CDC42EP3: variants seen among roughly 807,000 people sequenced by gnomAD.
CDC42EP3 encodes CDC42 effector protein (Rho GTPase binding) 3.
CDC42EP3 carries 4 observed loss-of-function variants against 15.5 expected under a neutral mutation model. That is an observed-to-expected ratio of 0.26 (90% CI 0.13 to 0.59). The LOEUF (loss-of-function observed/expected upper bound fraction) is 0.59. Among genes scored for constraint, CDC42EP3 ranks in the 20% least tolerant of loss-of-function variants. The pLI is 0.89. For missense variants in CDC42EP3, 309 were observed against 311.2 expected (o/e 0.99, Z 0.05); for synonymous variants, 145 against 130.3 (o/e 1.11, Z -0.77).
At chr2:37,668,860 T>C (rs1450854670) in intron 1 of CDC42EP3, among the ~76,000 whole-genome samples, 2 of 152,188 alleles carry the variant, frequency 1.3e-5, no homozygotes, top group Non-Finnish European at 2.9e-5. Context: ...TCCAAAGTAA[T>C]GAACAATGCA....
At chr2:37,665,341 A>T (rs1666217740) in intron 1 of CDC42EP3, among the ~76,000 whole-genome samples, 2 of 150,176 alleles carry the variant, frequency 1.3e-5, no homozygotes, top group South Asian at 4.4e-4. Context: ...GATGGGATGG[A>T]GCCTGCCCAG....
chr2:37,659,973 A>T (rs1336032670), intron 1 of CDC42EP3, among the ~76,000 whole-genome samples: 1 of 152,222 alleles, frequency 6.6e-6, no homozygotes, highest in Non-Finnish European at 1.5e-5. Context: ...ACTATGAGCC[A>T]GCCCTGTAAG....
chr2:37,666,023 C>T (rs1179293290), intron 1 of CDC42EP3, among the ~76,000 whole-genome samples: 1 of 152,174 alleles, frequency 6.6e-6, no homozygotes, highest in Non-Finnish European at 1.5e-5. Flanking sequence ...CACAGACACC[C>T]CTTTTGATTG....
At chr2:37,668,757 T>G (rs967563417) in intron 1 of CDC42EP3, among the ~76,000 whole-genome samples, 1 of 152,240 alleles carries the variant, frequency 6.6e-6, no homozygotes, top group Non-Finnish European at 1.5e-5. Flanking sequence ...TTTCATTAGA[T>G]GATTGCTAGA....
chr2:37,648,162 T>C (rs1342022661), intron 1 of CDC42EP3, among the ~76,000 whole-genome samples: 4 of 152,184 alleles, frequency 2.6e-5, no homozygotes, highest in Non-Finnish European at 5.9e-5. Flanking sequence ...GATGCTCTTA[T>C]CTCTTGAAAA....
chr2:37,651,013 A>G (rs1665657300), intron 1 of CDC42EP3, among the ~76,000 whole-genome samples: 1 of 152,240 alleles, frequency 6.6e-6, no homozygotes, highest in African/African-American at 2.4e-5. Flanking sequence ...TTGTCCACCT[A>G]TGGAGGACTG....
chr2:37,672,647 C>T (rs943424667), upstream of CDC42EP3: 6 of 152,242 alleles, frequency 3.9e-5, no homozygotes, highest in Non-Finnish European at 1.5e-5. Flanking sequence ...AGTCGTCGGC[C>T]TGGGGAAGGA....
At chr2:37,649,076 T>TAA (rs112109458) in intron 1 of CDC42EP3, among the ~76,000 whole-genome samples, 5 of 135,902 alleles carry the variant, frequency 3.7e-5, no homozygotes, top group African/African-American at 8.2e-5. Flanking sequence ...TCCAATTATT[T>TAA]AAAAAAAAAA....
chr2:37,661,148 G>GTATA lies in CDC42EP3; in HGVS notation c.-236+10274_-236+10277dup, dbSNP rs35916829. ...GTGTGTGCGTGTGTGTATAGTGTGTGTATATATATATACACACACAGGCAA... is the reference window on the plus strand; with the variant it reads ...GTGTGTGCGTGTGTGTATAGTGTGTGTATATATATATATATACACACACAGGCAA... On this transcript the variant is annotated intron_variant, in intron 1 of 1. Coordinates refer to ENST00000295324, the MANE Select transcript of CDC42EP3 (RefSeq NM_006449.5). Among the ~76,000 whole-genome samples, 247 of 151,324 alleles carry GTATA rather than the reference G, an allele frequency of 1.6e-3. 3 individuals are homozygous for GTATA. The highest frequency in any genetic ancestry group is 0.012 in the Admixed American group (189 of 15,160).
rs1328719573 is a variant in CDC42EP3 at position 37,642,187 on chromosome 2, C to G, written c.*3636G>C. On this transcript the variant is annotated 3_prime_UTR_variant, in exon 2 of 2. Coordinates refer to ENST00000295324, the MANE Select transcript of CDC42EP3 (RefSeq NM_006449.5). ...ATAAAGCATGCAATATATTTACAGT[C>G]AGATGAAACAAGTGTGTCCATAAAT... 1 of 152,186 alleles carries G rather than the reference C, an allele frequency of 6.6e-6. No individual in the cohort carries two copies. The highest frequency in any genetic ancestry group is 1.5e-5 in the Non-Finnish European group (1 of 68,038). The allele number at this position is 152,186 out of a possible 1,614,324, so 9.4% of individuals were successfully genotyped here.
chr2:37,645,723 C>A lies in CDC42EP3; in HGVS notation c.*100G>T. On this transcript the variant is annotated 3_prime_UTR_variant, in exon 2 of 2. Coordinates refer to ENST00000295324, the MANE Select transcript of CDC42EP3 (RefSeq NM_006449.5). Reference sequence around the variant, plus strand: ...TGTAAGAATATTATTTTAGAAAACCCAACACAAAACTGCAAATACAGCTCC... The same window carrying A: ...TGTAAGAATATTATTTTAGAAAACCAAACACAAAACTGCAAATACAGCTCC... The A allele has an allele frequency of 1.1e-6, 1 of 916,160 alleles. No individual in the cohort carries two copies. 56.8% of individuals were successfully genotyped at this position (916,160 alleles called of 1,614,324 possible).
intron 1 of CDC42EP3, among the ~76,000 whole-genome samples, chr2:37,667,046 G>A (rs367652595): frequency 6.4e-4 from 97 of 152,230 alleles, no homozygotes; most frequent in African/African-American, 2.1e-3. Flanking sequence ...GAAGTCTCTG[G>A]AGCTGATCCC....
rs2124606597 is a variant in CDC42EP3 at position 37,645,709 on chromosome 2, T to C, written c.*114A>G. The stretch of plus-strand genomic sequence containing the variant: ...GTAAAAAAATACTTTGTAAGAATAT[T>C]ATTTTAGAAAACCCAACACAAAACT... On this transcript the variant is annotated 3_prime_UTR_variant, in exon 2 of 2. Transcript: ENST00000295324. 1 of 823,738 alleles carries C rather than the reference T, an allele frequency of 1.2e-6. No individual in the cohort carries two copies. The highest frequency in any genetic ancestry group is 1.8e-6 in the Non-Finnish European group (1 of 545,450). 51.0% of individuals were successfully genotyped at this position (823,738 alleles called of 1,614,324 possible).
At chr2:37,656,005 T>A (rs1264930778) in intron 1 of CDC42EP3, among the ~76,000 whole-genome samples, 1 of 152,238 alleles carries the variant, frequency 6.6e-6, no homozygotes, top group Non-Finnish European at 1.5e-5. Context: ...CATACTACCT[T>A]GGAGGGCAAA....
chr2:37,657,709 T>C (rs1665922109), intron 1 of CDC42EP3, among the ~76,000 whole-genome samples: 1 of 152,212 alleles, frequency 6.6e-6, no homozygotes, highest in African/African-American at 2.4e-5. Flanking sequence ...ATTTATGTAC[T>C]GTCTACAGCT....
chr2:37,648,459 C>G (rs1333693385), intron 1 of CDC42EP3, among the ~76,000 whole-genome samples: 1 of 152,236 alleles, frequency 6.6e-6, no homozygotes, highest in Admixed American at 6.5e-5. Context: ...TGCTCCACCA[C>G]CCACTGGCTC....
rs768216934 is a variant in CDC42EP3, at chr2:37,643,573, T to C, written c.*2250A>G. 4 of 151,866 alleles carry C rather than the reference T, an allele frequency of 2.6e-5. No homozygotes were observed. The highest frequency in any genetic ancestry group is 7.3e-5 in the African/African-American group (3 of 41,318). The allele number at this position is 151,866 out of a possible 1,614,324, so 9.4% of individuals were successfully genotyped here. On this transcript the variant is annotated 3_prime_UTR_variant, in exon 2 of 2. Transcript: ENST00000295324. The stretch of plus-strand genomic sequence containing the variant: ...TCCCCAGTACTTACCAGAGAGGGAG[T>C]AGAGCTAATGCACAGCCATACTCCT...
At chr2:37,668,908 G>A (rs1447987087) in intron 1 of CDC42EP3, among the ~76,000 whole-genome samples, 1 of 152,160 alleles carries the variant, frequency 6.6e-6, no homozygotes, top group Non-Finnish European at 1.5e-5. Flanking sequence ...ATGGCTTGGT[G>A]AGGCACACAA....
intron 1 of CDC42EP3, among the ~76,000 whole-genome samples, chr2:37,654,542 G>T (rs1665789099): frequency 6.6e-6 from 1 of 152,148 alleles, no homozygotes; most frequent in Non-Finnish European, 1.5e-5. Flanking sequence ...ATGGGCTGGG[G>T]TGGGGAGGGG....
Sources: gnomAD v4.1 joint callset for allele counts (sites outside exome capture counted in the v4.1 genomes callset) on GRCh38, gnomAD v4.1.1 for gene constraint, MANE v1.5 for transcripts, NCBI Gene and HGNC (gene_info 2026-07-23, HGNC 2026-07-21) for gene names.